LYPLAL1: variants seen among roughly 807,000 people sequenced by gnomAD.
The protein encoded by LYPLAL1 is lysophospholipase-like protein 1.
Under a neutral mutation model 19.7 loss-of-function variants are expected in LYPLAL1, and 23 were observed. The observed-to-expected ratio is 1.17, with a 90% CI of 0.84 to 1.65. The LOEUF is 1.65. LYPLAL1 is among the 40% of genes most tolerant of loss of function. The pLI, the probability that LYPLAL1 is intolerant of heterozygous loss-of-function variation, is 0.00. For synonymous variants in LYPLAL1, 119 were observed against 96.3 expected, an observed-to-expected ratio of 1.24 and a Z score of -1.38; for missense variants, 355 against 279.4, an observed-to-expected ratio of 1.27 and a Z score of -1.93.
the LYPLAL1 span, among the ~76,000 whole-genome samples, chr1:219,441,044 C>G: frequency 0.012 from 1,787 of 152,152 alleles, 32 homozygotes; most frequent in African/African-American, 0.041. Flanking sequence ...AAGCATGATA[C>G]GTGAAACCAC....
chr1:219,303,522 G>A, the LYPLAL1 span, among the ~76,000 whole-genome samples: 1 of 152,226 alleles, frequency 6.6e-6, no homozygotes, highest in East Asian at 1.9e-4. Context: ...TTGTCACCCA[G>A]TGTTACTGGT....
the LYPLAL1 span, among the ~76,000 whole-genome samples, chr1:219,416,517 C>A: frequency 2.0e-5 from 3 of 151,328 alleles, no homozygotes; most frequent in African/African-American, 7.3e-5. Flanking sequence ...AGAGTAGGGC[C>A]AACTCAAAGA....
the LYPLAL1 span, among the ~76,000 whole-genome samples, chr1:219,240,081 A>AT: frequency 6.6e-6 from 1 of 152,184 alleles, no homozygotes; most frequent in Non-Finnish European, 1.5e-5. Context: ...TATAAAGTTG[A>AT]TTTCATAGCA....
downstream of LYPLAL1, among the ~76,000 whole-genome samples, chr1:219,213,198 A>G (rs1372331072): frequency 2.0e-5 from 3 of 151,960 alleles, no homozygotes; most frequent in Non-Finnish European, 4.4e-5. Context: ...CCATGGAAAT[A>G]TTTTTGCACC....
the LYPLAL1 span, among the ~76,000 whole-genome samples, chr1:219,292,839 G>A: frequency 6.6e-6 from 1 of 152,284 alleles, no homozygotes; most frequent in South Asian, 2.1e-4. Context: ...CCATAGAAGA[G>A]CTATTGAACT....
At chr1:219,216,892 G>C (rs1659310187), downstream of LYPLAL1, among the ~76,000 whole-genome samples, 1 of 152,138 alleles carries the variant, frequency 6.6e-6, no homozygotes, top group African/African-American at 2.4e-5. Context: ...AGGAATGACT[G>C]TCCTGTGCTG....
At chr1:219,343,473 A>G in the LYPLAL1 span, among the ~76,000 whole-genome samples, 53 of 152,334 alleles carry the variant, frequency 3.5e-4, no homozygotes, top group African/African-American at 1.3e-3. Flanking sequence ...TATTGTACTT[A>G]ATTAACCTGA....
At chr1:219,276,838 A>G in the LYPLAL1 span, among the ~76,000 whole-genome samples, 1 of 152,194 alleles carries the variant, frequency 6.6e-6, no homozygotes, top group South Asian at 2.1e-4. Context: ...AACCTTCTTT[A>G]TGAAGAATTA....
At chr1:219,430,604 G>A in the LYPLAL1 span, among the ~76,000 whole-genome samples, 1 of 152,168 alleles carries the variant, frequency 6.6e-6, no homozygotes, top group East Asian at 1.9e-4. Flanking sequence ...GGGAGAGAAA[G>A]CCTGGAAAAC....
At chr1:219,438,991 T>C in the LYPLAL1 span, among the ~76,000 whole-genome samples, 2 of 152,208 alleles carry the variant, frequency 1.3e-5, no homozygotes, top group African/African-American at 2.4e-5. Flanking sequence ...CTACCTGATA[T>C]ATAAGATGTT....
the LYPLAL1 span, among the ~76,000 whole-genome samples, chr1:219,219,253 C>T: frequency 6.6e-6 from 1 of 152,132 alleles, no homozygotes; most frequent in Non-Finnish European, 1.5e-5. Context: ...TCAGACTGTG[C>T]TTAAATAACA....
the LYPLAL1 span, among the ~76,000 whole-genome samples, chr1:219,311,543 T>TC: frequency 1.3e-5 from 2 of 151,786 alleles, no homozygotes; most frequent in Admixed American, 1.3e-4. Flanking sequence ...TGTTTTTTTT[T>TC]TTTTTAAGGT....
At chr1:219,425,867 GA>G in the LYPLAL1 span, among the ~76,000 whole-genome samples, 20 of 151,298 alleles carry the variant, frequency 1.3e-4, no homozygotes, top group Non-Finnish European at 2.2e-4. Context: ...CCTACAAAGA[GA>G]AAAAAAAAGT....
At position 219,211,838 on chromosome 1, in the gene LYPLAL1, T is replaced by G; in HGVS notation, c.*110T>G. On this transcript the variant is annotated 3_prime_UTR_variant, in exon 5 of 5. Coordinates refer to ENST00000366928, the MANE Select transcript of LYPLAL1 (RefSeq NM_138794.5). Reference sequence around the variant, plus strand: ...TATTAAGAAATAACACTTTCCTGACTTTTTTATTATTAAAATGCTTATCAC... The same window carrying G: ...TATTAAGAAATAACACTTTCCTGACGTTTTTATTATTAAAATGCTTATCAC... The G allele has an allele frequency of 2.9e-6, 2 of 686,016 alleles. No homozygotes were observed. The highest frequency in any genetic ancestry group is 6.4e-5 in the Admixed American group (2 of 31,290). 42.5% of individuals were successfully genotyped at this position (686,016 alleles called of 1,614,324 possible).
chr1:219,434,400 G>A, the LYPLAL1 span, among the ~76,000 whole-genome samples: 6,669 of 152,158 alleles, frequency 0.044, 226 homozygotes, highest in African/African-American at 0.098. Context: ...GAGCTTCAAC[G>A]GATTAACTTA....
chr1:219,258,362 A>G, the LYPLAL1 span, among the ~76,000 whole-genome samples: 1 of 152,028 alleles, frequency 6.6e-6, no homozygotes, highest in Non-Finnish European at 1.5e-5. Context: ...AAATTATAAG[A>G]GTATTGTTAG....
In LYPLAL1 at chr1:219,179,237, C is replaced by T. The variant is rs1656064662; in HGVS notation, c.182C>T (p.Ala61Val). The T allele has an allele frequency of 6.2e-7, 1 of 1,606,410 alleles. No individual in the cohort carries two copies. The highest frequency in any genetic ancestry group is 8.5e-7 in the Non-Finnish European group (1 of 1,174,276). Residue 61 changes from alanine to valine, a missense_variant, in exon 2 of 5, where the codon GCT (alanine) becomes GTT (valine). Ala to Val is a moderately conservative substitution (Grantham distance 64, BLOSUM62 0). Coordinates refer to ENST00000366928, the MANE Select transcript of LYPLAL1 (RefSeq NM_138794.5). ...CACATAAAAATTATTTATCCAACAG[C>T]TCCTCCCAGGTATGCAGTAATTTAT... ...FQHIKIIYPT[A>V]PPRSYTPMKG...
the LYPLAL1 span, among the ~76,000 whole-genome samples, chr1:219,270,109 G>C: frequency 1.3e-5 from 2 of 152,224 alleles, no homozygotes; most frequent in Non-Finnish European, 2.9e-5. Flanking sequence ...CAGAATCCAG[G>C]TGGAAGTGCA....
At chr1:219,357,252 T>G in the LYPLAL1 span, among the ~76,000 whole-genome samples, 1 of 152,206 alleles carries the variant, frequency 6.6e-6, no homozygotes, top group South Asian at 2.1e-4. Flanking sequence ...TTATTTCAGC[T>G]TGCAACTCAA....
Sources: gnomAD v4.1 joint callset for allele counts (sites outside exome capture counted in the v4.1 genomes callset) on GRCh38, gnomAD v4.1.1 for gene constraint, MANE v1.5 for transcripts, NCBI Gene and HGNC (gene_info 2026-07-23, HGNC 2026-07-21) for gene names.